The following ITGA6 variants were observed in gnomAD, a reference collection of about 807,000 sequenced individuals.
ITGA6 encodes the protein integrin subunit alpha 6.
In ITGA6, 63 loss-of-function variants were observed where a neutral mutation model predicts 133.6. That is an observed-to-expected ratio of 0.47 (90% confidence interval 0.38 to 0.58). ITGA6 has a LOEUF of 0.58. ITGA6 is among the 20% of genes least tolerant of loss of function. ITGA6 has a pLI of 0.00. For synonymous variants in ITGA6, 434 were observed against 482.0 expected (o/e 0.90, Z 1.30); for missense variants, 1,068 against 1,309.4 (o/e 0.82, Z 2.85).
In ITGA6 at chr2:172,489,530, T is replaced by G. The variant is rs1180272827; in HGVS notation, c.2551T>G (p.Leu851Val). 6.2e-7 allele frequency: 1 copy of G among 1,614,040 alleles called. No homozygotes were observed. Among genetic ancestry groups the G allele is most frequent in the East Asian group, 2.2e-5 (1 of 44,868 alleles). ...KPLTNLGTAT[L>V]NIQWPKEISN... ...TCTTACAAACCTCGGCACAGCAACC[T>G]TGAACATTCAGTGGCCAAAAGAAAT... The change falls in exon 20 of 26, where the codon TTG becomes GTG. Residue 851 changes from leucine to valine, a missense_variant. Transcript: ENST00000684293.
intron 8 of ITGA6, 61 bp downstream of exon 8, chr2:172,475,746 A>G (rs1235552767): frequency 3.3e-6 from 3 of 915,094 alleles, no homozygotes; most frequent in Admixed American, 3.4e-5. Flanking sequence ...ATAATAAAAT[A>G]TTTAGGTTTA....
chr2:172,456,597 A>G (rs1354644669), intron 1 of ITGA6, among the ~76,000 whole-genome samples: 1 of 152,188 alleles, frequency 6.6e-6, no homozygotes, highest in African/African-American at 2.4e-5. Context: ...AGCGTTAACC[A>G]TTCCATTGGA....
chr2:172,505,750 T>G lies in ITGA6; in HGVS notation c.*1682T>G, dbSNP rs1687534308. On this transcript the variant is annotated 3_prime_UTR_variant, in exon 26 of 26. Transcript: ENST00000684293. ...GGGGCTTTTTTCTTTTCGGAAATCT[T>G]AAACCTTAAGATACTAAGGACGTTG... is the stretch of plus-strand genomic sequence containing the variant. 1 of 152,636 alleles carries G rather than the reference T, an allele frequency of 6.6e-6. No individual in the cohort carries two copies. Among genetic ancestry groups the G allele is most frequent in the African/African-American group, 2.4e-5 (1 of 41,450 alleles). 9.5% of individuals were successfully genotyped at this position (152,636 alleles called of 1,614,324 possible). A position where few individuals can be genotyped will look rare whatever the true frequency, so the allele number is the denominator to read the frequency against.
At position 172,427,962 on chromosome 2, in the gene ITGA6, C is replaced by A; in HGVS notation, c.174C>A (p.Asp58Glu). The change falls in exon 1 of 26, where the codon GAC (aspartate) becomes GAA (glutamate). Residue 58 changes from aspartate (D) to glutamate (E), a missense_variant. Physicochemically the swap from Asp to Glu is conservative, Grantham distance 45. Around this residue, in one of 3 missense-constraint regions of ITGA6, gnomAD observed 142 missense variants for 145.3 expected, o/e 0.98. Transcript: ENST00000684293. ...TGCACTGGCAACTGCAGCCCGAGGA[C>A]AAGCGGCTGTGAGTTCCCAGACCCT... is the stretch of plus-strand genomic sequence containing the variant. ...LAMHWQLQPE[D>E]KRLLLVGAPR... The A allele has an allele frequency of 1.9e-6, 3 of 1,604,134 alleles. No homozygotes were observed. The highest frequency in any genetic ancestry group is 2.6e-6 in the Non-Finnish European group (3 of 1,176,032).
chr2:172,487,923 G>A (rs780873476), intron 17 of ITGA6, 38 bp from the exon 18 acceptor site: 1 of 1,582,828 alleles, frequency 6.3e-7, no homozygotes, highest in South Asian at 1.1e-5. Flanking sequence ...AAAACTGACT[G>A]GTAAAATACA....
At chr2:172,465,804 C>A in intron 2 of ITGA6, 141 bp downstream of exon 2, 2 of 1,187,234 alleles carry the variant, frequency 1.7e-6, no homozygotes, top group Non-Finnish European at 2.5e-6. Context: ...TTTTTATTTG[C>A]CCTGAAAATA....
chr2:172,429,941 T>C (rs1396372797), intron 1 of ITGA6, among the ~76,000 whole-genome samples: 4 of 152,194 alleles, frequency 2.6e-5, no homozygotes, highest in African/African-American at 7.2e-5. Context: ...CACAGGTCAG[T>C]TGTCAACCTT....
At chr2:172,438,273 C>T (rs968987465) in intron 1 of ITGA6, among the ~76,000 whole-genome samples, 25 of 151,494 alleles carry the variant, frequency 1.7e-4, no homozygotes, top group Non-Finnish European at 2.8e-4. Context: ...GAGGACGTAC[C>T]GTGGGGGAGG....
At chr2:172,463,692 GTC>G (rs1316322142) in intron 1 of ITGA6, among the ~76,000 whole-genome samples, 1 of 152,148 alleles carries the variant, frequency 6.6e-6, no homozygotes, top group South Asian at 2.1e-4. Flanking sequence ...TGGAGGACTG[GTC>G]TCTCTCAGGG....
At chr2:172,440,976 G>A (rs1264135231) in intron 1 of ITGA6, among the ~76,000 whole-genome samples, 1 of 152,110 alleles carries the variant, frequency 6.6e-6, no homozygotes, top group Non-Finnish European at 1.5e-5. Flanking sequence ...ACACCAATTG[G>A]ACTAACAGCT....
chr2:172,486,178 A>G (rs903969054), intron 13 of ITGA6, among the ~76,000 whole-genome samples: 4 of 132,476 alleles, frequency 3.0e-5, no homozygotes, highest in Admixed American at 1.4e-4. Context: ...TCTATCTCCA[A>G]AAAAAAAAAA....
chr2:172,503,173 C>T (rs1213911738), intron 25 of ITGA6, among the ~76,000 whole-genome samples: 1 of 152,034 alleles, frequency 6.6e-6, no homozygotes, highest in Admixed American at 6.6e-5. Context: ...CTATCAATAT[C>T]CTCATTCTTC....
At chr2:172,486,745 G>A (rs1432819387) in intron 13 of ITGA6, among the ~76,000 whole-genome samples, 1 of 152,144 alleles carries the variant, frequency 6.6e-6, no homozygotes, top group Non-Finnish European at 1.5e-5. Flanking sequence ...CTAAGTAAGG[G>A]GTAGAGCTGC....
intron 19 of ITGA6, 46 bp downstream of exon 19, chr2:172,488,274 A>G (rs1686777903): frequency 8.8e-7 from 1 of 1,133,944 alleles, no homozygotes; most frequent in East Asian, 2.4e-5. Flanking sequence ...AAGCTGACAT[A>G]TACTAGGTAT....
In ITGA6 at chr2:172,505,772, G is replaced by A. The variant is rs1255451108; in HGVS notation, c.*1704G>A. 2.6e-5 allele frequency: 4 copies of A among 152,526 alleles called. No homozygotes were observed. Among genetic ancestry groups the A allele is most frequent in the African/African-American group, 7.2e-5 (3 of 41,394 alleles). The allele number at this position is 152,526 out of a possible 1,614,324, so 9.4% of individuals were successfully genotyped here. A position where few individuals can be genotyped will look rare whatever the true frequency, so the allele number is the denominator to read the frequency against. On this transcript the variant is annotated 3_prime_UTR_variant, in exon 26 of 26. Transcript: ENST00000684293. ...TCTTAAACCTTAAGATACTAAGGAC[G>A]TTGTTTTGGTTGTACTTTGGAATTC...
intron 24 of ITGA6, among the ~76,000 whole-genome samples, 163 bp from the exon 25 acceptor site, chr2:172,501,609 A>G (rs978475832): frequency 1.1e-4 from 17 of 152,362 alleles, no homozygotes; most frequent in Non-Finnish European, 1.9e-4. Context: ...TGTATTGAAT[A>G]TGACAATGAA....
intron 3 of ITGA6, among the ~76,000 whole-genome samples, chr2:172,467,823 C>T (rs1685746861): frequency 6.6e-6 from 1 of 152,032 alleles, no homozygotes; most frequent in African/African-American, 2.4e-5. Flanking sequence ...CCCATCTCTA[C>T]TAAAAATACA....
chr2:172,472,342 A>T (rs1685977924), intron 5 of ITGA6, among the ~76,000 whole-genome samples: 1 of 152,268 alleles, frequency 6.6e-6, no homozygotes, highest in South Asian at 2.1e-4. Flanking sequence ...TCATTTAGGG[A>T]TTACTTATGA....
At chr2:172,449,617 G>C (rs903776115) in intron 1 of ITGA6, among the ~76,000 whole-genome samples, 3 of 152,116 alleles carry the variant, frequency 2.0e-5, no homozygotes, top group African/African-American at 7.2e-5. Flanking sequence ...GAGAAAGCTG[G>C]TAGCTAGGCT....
Sources: allele counts gnomAD v4.1 joint callset (sites outside exome capture counted in the v4.1 genomes callset), GRCh38; gene constraint gnomAD v4.1.1; regional missense constraint gnomAD v4.1.1; transcripts MANE v1.5; gene names NCBI Gene and HGNC (gene_info 2026-07-23, HGNC 2026-07-21).